The following IGFL2 variants were observed in gnomAD, a reference collection of about 807,000 sequenced individuals.
IGFL2 encodes IGF like family member 2.
In IGFL2, 7 loss-of-function variants were observed where a neutral mutation model predicts 13.9. The observed-to-expected ratio is 0.51, with a 90% CI of 0.29 to 0.95. The LOEUF (loss-of-function observed/expected upper bound fraction) is 0.95, where lower values mean the gene tolerates loss of function less well. Among genes scored for constraint, IGFL2 ranks in the 40% least tolerant of loss-of-function variants. IGFL2 has a pLI of 0.08. For missense variants in IGFL2, 138 were observed against 147.8 expected, an observed-to-expected ratio of 0.93 and a Z score of 0.34; for synonymous variants, 55 against 55.8, an observed-to-expected ratio of 0.99 and a Z score of 0.07.
the IGFL2 span, among the ~76,000 whole-genome samples, chr19:46,192,714 C>T: frequency 9.2e-5 from 14 of 152,022 alleles, no homozygotes; most frequent in East Asian, 1.9e-4. Context: ...CCACTGCACC[C>T]GGTCTCTTTT....
At chr19:46,171,927 A>G in the IGFL2 span, among the ~76,000 whole-genome samples, 80,034 of 151,998 alleles carry the variant, frequency 0.53, 21,634 homozygotes, top group Middle Eastern at 0.63. Context: ...TGTTACACCA[A>G]AAGGAATTTG....
At chr19:46,107,123 G>A in the IGFL2 span, among the ~76,000 whole-genome samples, 69 of 152,238 alleles carry the variant, frequency 4.5e-4, no homozygotes, top group Non-Finnish European at 2.5e-4. Flanking sequence ...AAGGGGTCTC[G>A]CAGCCTGGCC....
At chr19:46,097,741 C>T in the IGFL2 span, among the ~76,000 whole-genome samples, 2,018 of 152,238 alleles carry the variant, frequency 0.013, 31 homozygotes, top group Middle Eastern at 0.027. Flanking sequence ...GACTTCTTTA[C>T]TTCTGTCTTA....
chr19:46,186,304 A>G, the IGFL2 span, among the ~76,000 whole-genome samples: 16 of 152,128 alleles, frequency 1.1e-4, no homozygotes, highest in Non-Finnish European at 1.5e-4. Flanking sequence ...CGTCCATGCC[A>G]CTTGTCGGGC....
the IGFL2 span, among the ~76,000 whole-genome samples, chr19:46,211,877 C>T: frequency 2.6e-5 from 4 of 151,944 alleles, no homozygotes; most frequent in Non-Finnish European, 5.9e-5. Flanking sequence ...CCTCTGAGGA[C>T]TTGGCATTTC....
the IGFL2 span, among the ~76,000 whole-genome samples, chr19:46,098,809 T>C: frequency 6.6e-6 from 1 of 152,194 alleles, no homozygotes; most frequent in African/African-American, 2.4e-5. Flanking sequence ...AATTGGAGCA[T>C]TTAGCCCATT....
the IGFL2 span, among the ~76,000 whole-genome samples, chr19:46,096,176 T>G: frequency 6.6e-6 from 1 of 152,206 alleles, no homozygotes; most frequent in Non-Finnish European, 1.5e-5. Context: ...TCTATTTGTT[T>G]GTGTCCTCTC....
chr19:46,151,461 A>G (rs541536197), intron 1 of IGFL2, among the ~76,000 whole-genome samples: 2 of 152,196 alleles, frequency 1.3e-5, no homozygotes, highest in African/African-American at 2.4e-5. Flanking sequence ...CTATATGTCT[A>G]TCCTGTGTGT....
the IGFL2 span, among the ~76,000 whole-genome samples, chr19:46,167,007 TTAAAG>T: frequency 2.6e-5 from 4 of 152,170 alleles, no homozygotes; most frequent in Admixed American, 6.5e-5. Context: ...GATTAAGAGA[TTAAAG>T]TAAAGACAGG....
At chr19:46,130,909 T>C in the IGFL2 span, among the ~76,000 whole-genome samples, 2 of 152,168 alleles carry the variant, frequency 1.3e-5, no homozygotes, top group African/African-American at 2.4e-5. Flanking sequence ...GGAGTCTTCT[T>C]TTTTGAGATA....
At chr19:46,102,465 A>G in the IGFL2 span, among the ~76,000 whole-genome samples, 3 of 152,194 alleles carry the variant, frequency 2.0e-5, no homozygotes, top group East Asian at 1.9e-4. Flanking sequence ...GAATATTACA[A>G]AGTACCTTCT....
At chr19:46,102,091 A>G in the IGFL2 span, among the ~76,000 whole-genome samples, 1 of 151,944 alleles carries the variant, frequency 6.6e-6, no homozygotes, top group Non-Finnish European at 1.5e-5. Flanking sequence ...AAAGAAGTAA[A>G]TTTTCCCTGT....
chr19:46,167,410 A>G, the IGFL2 span, among the ~76,000 whole-genome samples: 3 of 152,188 alleles, frequency 2.0e-5, 1 homozygote, highest in Non-Finnish European at 4.4e-5. Context: ...CAGGTAGACT[A>G]TATAGGACCT....
chr19:46,096,250 G>A, the IGFL2 span, among the ~76,000 whole-genome samples: 30 of 152,142 alleles, frequency 2.0e-4, 1 homozygote, highest in African/African-American at 5.8e-4. Flanking sequence ...CTTGTTAGCT[G>A]TATTTCTAGG....
the IGFL2 span, among the ~76,000 whole-genome samples, chr19:46,176,548 A>G: frequency 6.6e-6 from 1 of 152,190 alleles, no homozygotes; most frequent in Non-Finnish European, 1.5e-5. Flanking sequence ...AGCTGCCTAA[A>G]GATTGCACAG....
chr19:46,188,631 C>T, the IGFL2 span, among the ~76,000 whole-genome samples: 1 of 152,264 alleles, frequency 6.6e-6, no homozygotes. Flanking sequence ...GTTCCATGAC[C>T]AATGGTTTTC....
At chr19:46,162,222 ATTCT>A (rs1013902161), downstream of IGFL2, among the ~76,000 whole-genome samples, 1 of 152,104 alleles carries the variant, frequency 6.6e-6, no homozygotes, top group African/African-American at 2.4e-5. Context: ...TGCCTTTAAC[ATTCT>A]TTCTTTCATT....
At chr19:46,104,085 T>C in the IGFL2 span, among the ~76,000 whole-genome samples, 2 of 152,124 alleles carry the variant, frequency 1.3e-5, no homozygotes, top group Non-Finnish European at 2.9e-5. Context: ...GCTGGGAATC[T>C]GGAGTAGGCA....
chr19:46,124,449 T>C, the IGFL2 span: 1 of 1,190,170 alleles, frequency 8.4e-7, no homozygotes, highest in Non-Finnish European at 1.2e-6. Flanking sequence ...GCTAAGTCTG[T>C]ATGGGATCCC....
Sources: gnomAD v4.1 joint callset for allele counts (sites outside exome capture counted in the v4.1 genomes callset) on GRCh38, gnomAD v4.1.1 for gene constraint, MANE v1.5 for transcripts, NCBI Gene and HGNC (gene_info 2026-07-23, HGNC 2026-07-21) for gene names.